Variants in ABCC4 observed in about 807,000 individuals in gnomAD.
The protein encoded by ABCC4 is ATP-binding cassette sub-family C member 4.
Under a neutral mutation model 168.5 loss-of-function variants are expected in ABCC4, and 102 were observed. The ratio of observed to expected loss-of-function variants is 0.61; its 90% CI spans 0.52 to 0.71. The LOEUF (loss-of-function observed/expected upper bound fraction) is 0.71, where lower values mean the gene tolerates loss of function less well. ABCC4 is among the 30% of genes least tolerant of loss of function. ABCC4 has a pLI of 0.00. For synonymous variants in ABCC4, 617 were observed against 590.7 expected, an observed-to-expected ratio of 1.04 and a Z score of -0.65; for missense variants, 1,402 against 1,605.8, an observed-to-expected ratio of 0.87 and a Z score of 2.17.
chr13:95,158,513 G>A (rs890023368), intron 19 of ABCC4, among the ~76,000 whole-genome samples: 6 of 152,020 alleles, frequency 3.9e-5, no homozygotes, highest in East Asian at 1.9e-4. Flanking sequence ...GGTCCTCCCC[G>A]TTTCCTAAGT....
intron 13 of ABCC4, among the ~76,000 whole-genome samples, chr13:95,171,814 AT>A (rs1218738437): frequency 6.6e-6 from 1 of 152,084 alleles, no homozygotes; most frequent in African/African-American, 2.4e-5. Flanking sequence ...CAAAAGGATT[AT>A]TTTTTCCCCT....
chr13:95,189,797 C>T (rs1042307849), intron 9 of ABCC4, among the ~76,000 whole-genome samples: 1 of 152,128 alleles, frequency 6.6e-6, no homozygotes, highest in Non-Finnish European at 1.5e-5. Flanking sequence ...CAGTGTTACA[C>T]CTGCAGCTTG....
chr13:95,187,165 C>T (rs551306900), intron 10 of ABCC4, among the ~76,000 whole-genome samples: 13 of 152,294 alleles, frequency 8.5e-5, no homozygotes, highest in East Asian at 5.8e-4. Flanking sequence ...AAATGGTACA[C>T]GGAACAAAGA....
chr13:95,150,468 G>A (rs540425086), intron 19 of ABCC4, among the ~76,000 whole-genome samples: 1 of 152,192 alleles, frequency 6.6e-6, no homozygotes, highest in South Asian at 2.1e-4. Context: ...TCTCAAAAAT[G>A]TCCTGTTTTT....
intron 8 of ABCC4, among the ~76,000 whole-genome samples, chr13:95,202,955 TG>T (rs2139665338): frequency 1.3e-5 from 2 of 152,292 alleles, no homozygotes; most frequent in African/African-American, 4.8e-5. Context: ...CCATCGCGCC[TG>T]GCCGCACTTC....
intron 30 of ABCC4, among the ~76,000 whole-genome samples, chr13:95,029,979 T>G (rs2031787244): frequency 9.5e-6 from 1 of 104,948 alleles, no homozygotes; most frequent in South Asian, 3.8e-4. Flanking sequence ...TCAGGACTTC[T>G]TGTCTATCTA....
At chr13:95,162,644 G>A (rs1271318241) in intron 18 of ABCC4, among the ~76,000 whole-genome samples, 1 of 152,158 alleles carries the variant, frequency 6.6e-6, no homozygotes, top group Non-Finnish European at 1.5e-5. Flanking sequence ...AGTGCTGAAG[G>A]GAGCTTTGCA....
At chr13:95,139,557 G>A (rs924572021) in intron 19 of ABCC4, among the ~76,000 whole-genome samples, 2 of 152,192 alleles carry the variant, frequency 1.3e-5, no homozygotes, top group Non-Finnish European at 2.9e-5. Context: ...ATGGGGCCGT[G>A]AGTGCTCAGA....
intron 20 of ABCC4, among the ~76,000 whole-genome samples, chr13:95,110,438 A>C (rs1204989991): frequency 6.6e-6 from 1 of 152,200 alleles, no homozygotes; most frequent in Admixed American, 6.5e-5. Context: ...TCCAGTTGTA[A>C]ATATAGTCAC....
chr13:95,045,162 G>A (rs9556455), intron 27 of ABCC4, among the ~76,000 whole-genome samples: 24,232 of 152,128 alleles, frequency 0.16, 2,236 homozygotes, highest in African/African-American at 0.25. Context: ...TGAAGCTCAT[G>A]CTCCCAATAT....
intron 1 of ABCC4, among the ~76,000 whole-genome samples, chr13:95,266,879 C>CTT (rs34395714): frequency 0.13 from 15,666 of 116,738 alleles, 1,671 homozygotes; most frequent in East Asian, 0.38. Context: ...CAAATCTCAT[C>CTT]TTTTTTTTTT....
chr13:95,286,123 C>CTTTTTTTTTT lies in ABCC4; in HGVS notation c.74+15108_74+15117dup, dbSNP rs773328777. 1.5e-4 allele frequency among the ~76,000 whole-genome samples: 16 copies of CTTTTTTTTTT among 105,518 alleles called. 5 individuals carry two copies. Among genetic ancestry groups the CTTTTTTTTTT allele is most frequent in the Non-Finnish European group, 2.4e-4 (13 of 53,886 alleles). The allele number at this position is 105,518 out of a possible 152,430, so 69.2% of individuals were successfully genotyped here. On this transcript the variant is annotated intron_variant, in intron 1 of 30. Transcript: ENST00000645237. ...GCTGTGAAACTGCTTTCCAGAAAAA[C>CTTTTTTTTTT]TTTTTTTTTTTTTTGAGACGGAGTC...
intron 19 of ABCC4, among the ~76,000 whole-genome samples, chr13:95,145,498 C>T (rs1221811196): frequency 6.6e-6 from 1 of 151,448 alleles, no homozygotes; most frequent in Non-Finnish European, 1.5e-5. Context: ...GTACCACATG[C>T]CTGTAGTCCC....
chr13:95,207,624 C>A (rs17189446), intron 7 of ABCC4, among the ~76,000 whole-genome samples, 176 bp downstream of exon 7: 22,535 of 152,128 alleles, frequency 0.15, 2,231 homozygotes, highest in Non-Finnish European at 0.22. Context: ...AATGGAAGAC[C>A]AAGTGAAAAT....
At chr13:95,188,178 T>G (rs1265616757) in intron 10 of ABCC4, among the ~76,000 whole-genome samples, 1 of 152,212 alleles carries the variant, frequency 6.6e-6, no homozygotes, top group African/African-American at 2.4e-5. Flanking sequence ...CCATCCTGCA[T>G]AGTGGTCACA....
intron 3 of ABCC4, among the ~76,000 whole-genome samples, chr13:95,241,288 C>A (rs557525528): frequency 6.6e-6 from 1 of 151,278 alleles, no homozygotes; most frequent in South Asian, 2.1e-4. Flanking sequence ...TCACTTGAAC[C>A]TGGGAGGCAG....
intron 27 of ABCC4, among the ~76,000 whole-genome samples, chr13:95,047,864 T>C (rs1251888293): frequency 1.3e-5 from 2 of 152,174 alleles, no homozygotes; most frequent in Non-Finnish European, 2.9e-5. Context: ...GTACCTAATA[T>C]TATATTACAT....
intron 13 of ABCC4, among the ~76,000 whole-genome samples, chr13:95,177,059 A>G (rs1001172739): frequency 6.6e-6 from 1 of 152,228 alleles, no homozygotes; most frequent in African/African-American, 2.4e-5. Flanking sequence ...TTCAAAGGCA[A>G]GCCAGGCCTA....
chr13:95,242,677 G>C (rs558823199), intron 3 of ABCC4, among the ~76,000 whole-genome samples: 1 of 152,142 alleles, frequency 6.6e-6, no homozygotes, highest in Non-Finnish European at 1.5e-5. Flanking sequence ...AAGCCACCAT[G>C]CCTGGCCAAT....
Sources: allele counts gnomAD v4.1 joint callset (sites outside exome capture counted in the v4.1 genomes callset), GRCh38; gene constraint gnomAD v4.1.1; transcripts MANE v1.5; gene names NCBI Gene and HGNC (gene_info 2026-07-23, HGNC 2026-07-21).